Variants in RNF13 observed in about 807,000 individuals in gnomAD.
RNF13 encodes E3 ubiquitin-protein ligase RNF13.
RNF13 carries 19 observed loss-of-function variants against 37.7 expected under a neutral mutation model. The observed-to-expected ratio is 0.50, with a 90% CI of 0.35 to 0.74. The LOEUF (loss-of-function observed/expected upper bound fraction) is 0.74, where lower values mean the gene tolerates loss of function less well. RNF13 is among the 30% of genes least tolerant of loss of function. RNF13 has a pLI of 0.01. For missense variants in RNF13, 375 were observed against 453.0 expected (o/e 0.83, Z 1.56); for synonymous variants, 144 against 157.8 (o/e 0.91, Z 0.65).
chr3:149,905,781 G>GT (rs1034909757), intron 6 of RNF13, among the ~76,000 whole-genome samples: 22 of 150,086 alleles, frequency 1.5e-4, no homozygotes, highest in Admixed American at 4.6e-4. Flanking sequence ...TTCCAATGGG[G>GT]TTTTTTTTTG....
intron 1 of RNF13, among the ~76,000 whole-genome samples, chr3:149,838,810 C>G (rs1721905715): frequency 6.6e-6 from 1 of 150,832 alleles, no homozygotes; most frequent in Admixed American, 6.6e-5. Flanking sequence ...ATTTCTACAG[C>G]TGGCTTGAAT....
At chr3:149,909,442 A>ATTTT (rs35918938) in intron 6 of RNF13, among the ~76,000 whole-genome samples, 2 of 114,444 alleles carry the variant, frequency 1.7e-5, no homozygotes, top group African/African-American at 3.4e-5. Context: ...TGCCTGGTTA[A>ATTTT]TTTTTTTTTT....
At chr3:149,909,420 T>C (rs1360838936) in intron 6 of RNF13, among the ~76,000 whole-genome samples, 1 of 150,616 alleles carries the variant, frequency 6.6e-6, no homozygotes, top group Non-Finnish European at 1.5e-5. Flanking sequence ...GGACTACAGG[T>C]GCTGGCCACC....
intron 8 of RNF13, among the ~76,000 whole-genome samples, chr3:149,922,579 C>G (rs1055004476): frequency 6.6e-6 from 1 of 152,142 alleles, no homozygotes; most frequent in African/African-American, 2.4e-5. Flanking sequence ...TCTCACTTAC[C>G]TTCCTCCTAT....
At chr3:149,919,751 G>A (rs545029787) in intron 7 of RNF13, among the ~76,000 whole-genome samples, 1 of 152,180 alleles carries the variant, frequency 6.6e-6, no homozygotes, top group Admixed American at 6.5e-5. Flanking sequence ...TATTGGGTAA[G>A]TATATCTAGG....
chr3:149,899,536 C>T (rs576026339), intron 5 of RNF13, among the ~76,000 whole-genome samples: 10 of 152,238 alleles, frequency 6.6e-5, no homozygotes, highest in South Asian at 4.2e-4. Flanking sequence ...ATTTCATAAA[C>T]GGAGCACTTT....
chr3:149,850,269 C>G (rs1040892476), intron 2 of RNF13, among the ~76,000 whole-genome samples: 1 of 152,156 alleles, frequency 6.6e-6, no homozygotes, highest in Non-Finnish European at 1.5e-5. Context: ...TGTGAGCCAC[C>G]ACATCCGGCC....
At chr3:149,934,365 G>A (rs1246639631) in intron 8 of RNF13, among the ~76,000 whole-genome samples, 1 of 151,008 alleles carries the variant, frequency 6.6e-6, no homozygotes, top group Non-Finnish European at 1.5e-5. Context: ...GCTCTGATCT[G>A]TATTATTTCT....
chr3:149,923,494 C>T (rs530068447), intron 8 of RNF13, among the ~76,000 whole-genome samples: 11 of 152,076 alleles, frequency 7.2e-5, no homozygotes, highest in Non-Finnish European at 1.0e-4. Flanking sequence ...TGGCCAGGCA[C>T]GGTGGCTCAC....
intron 7 of RNF13, among the ~76,000 whole-genome samples, chr3:149,918,912 G>A (rs1717829731): frequency 6.6e-6 from 1 of 151,892 alleles, no homozygotes; most frequent in South Asian, 2.1e-4. Flanking sequence ...CATATGATCG[G>A]AATTTTTTTC....
chr3:149,888,987 G>A (rs779536683), intron 4 of RNF13, among the ~76,000 whole-genome samples: 4 of 152,158 alleles, frequency 2.6e-5, no homozygotes, highest in Non-Finnish European at 5.9e-5. Flanking sequence ...CACCCAGGCC[G>A]AAGTCCAGTG....
At chr3:149,818,990 G>A (rs1719759390) in intron 1 of RNF13, among the ~76,000 whole-genome samples, 1 of 152,200 alleles carries the variant, frequency 6.6e-6, no homozygotes, top group Non-Finnish European at 1.5e-5. Flanking sequence ...AAGTTATATT[G>A]TAGCTGAAAG....
chr3:149,915,960 T>C (rs1280220979), intron 7 of RNF13, among the ~76,000 whole-genome samples: 1 of 152,238 alleles, frequency 6.6e-6, no homozygotes, highest in African/African-American at 2.4e-5. Context: ...GCCATCGAAC[T>C]GTACACTTAA....
In RNF13 at chr3:149,926,530, C is replaced by T. The variant is rs567802856; in HGVS notation, c.700+5303C>T. 6.2e-4 allele frequency among the ~76,000 whole-genome samples: 95 copies of T among 152,146 alleles called. 1 individual carries two copies. The highest frequency in any genetic ancestry group is 3.2e-4 in the Non-Finnish European group (22 of 67,980). On this transcript the variant is annotated intron_variant, in intron 8 of 9. Coordinates refer to ENST00000392894, the MANE Select transcript of RNF13 (RefSeq NM_183381.3). ...CAGCCTCTTCTGTGTTTTTAGAGTA[C>T]GTTTTCTATCCCAAGATCATACAGA...
rs36076578 is a variant in RNF13, at chr3:149,933,585, C to CT, written c.700+12374dup. On this transcript the variant is annotated intron_variant, in intron 8 of 9. Transcript: ENST00000392894. ...GTTCTAACAGTTTCTTTTCTTTCTT[C>CT]TTTTTTTTTTTTTTTTGAGATGGAG... 3.0e-3 allele frequency among the ~76,000 whole-genome samples: 402 copies of CT among 134,638 alleles called. 4 individuals carry two copies. The highest frequency in any genetic ancestry group is 7.0e-3 in the African/African-American group (264 of 37,622). The allele number at this position is 134,638 out of a possible 152,430, so 88.3% of individuals were successfully genotyped here. A position where few individuals can be genotyped will look rare whatever the true frequency, so the allele number is the denominator to read the frequency against.
intron 3 of RNF13, among the ~76,000 whole-genome samples, chr3:149,865,348 A>ATATATATATATATATATATATATG (rs1327517532): frequency 6.7e-6 from 1 of 148,990 alleles, no homozygotes; most frequent in African/African-American, 2.4e-5. Context: ...ATATATATAT[A>ATATATATATATATATATATATATG]TATGTATAAA....
At chr3:149,824,491 C>G (rs1720285203) in intron 1 of RNF13, among the ~76,000 whole-genome samples, 1 of 152,174 alleles carries the variant, frequency 6.6e-6, no homozygotes, top group African/African-American at 2.4e-5. Flanking sequence ...GAAGAAGAGG[C>G]TACAAGCCAA....
intron 5 of RNF13, among the ~76,000 whole-genome samples, chr3:149,899,059 AG>A (rs1481185822): frequency 6.6e-6 from 1 of 152,186 alleles, no homozygotes; most frequent in Non-Finnish European, 1.5e-5. Flanking sequence ...GTAGTGAACA[AG>A]GGAGGGAGTG....
chr3:149,820,048 A>G (rs1719870341), intron 1 of RNF13, among the ~76,000 whole-genome samples: 1 of 152,170 alleles, frequency 6.6e-6, no homozygotes, highest in Non-Finnish European at 1.5e-5. Flanking sequence ...TGCCACATTA[A>G]TGTAAACTGA....
Sources: allele counts gnomAD v4.1 joint callset (sites outside exome capture counted in the v4.1 genomes callset), GRCh38; gene constraint gnomAD v4.1.1; transcripts MANE v1.5; gene names NCBI Gene and HGNC (gene_info 2026-07-23, HGNC 2026-07-21).